The following CES5A variants were observed in gnomAD, a reference collection of about 807,000 sequenced individuals.
CES5A encodes the protein carboxylesterase 5.
A neutral mutation model predicts 62.9 loss-of-function variants in CES5A; 67 were observed. The observed-to-expected ratio is 1.07, with a 90% confidence interval of 0.88 to 1.31. The LOEUF (loss-of-function observed/expected upper bound fraction) is 1.31. Ranked by LOEUF, CES5A falls within the 50% of genes most tolerant of loss-of-function variation. CES5A has a pLI of 0.00. For missense variants in CES5A, 748 were observed against 708.5 expected (o/e 1.06, Z -0.63); for synonymous variants, 296 against 280.8 (o/e 1.05, Z -0.54).
At position 55,846,574 on chromosome 16, in the gene CES5A, C is replaced by G; in HGVS notation, c.1605G>C (p.Arg535=). 2 of 1,614,110 alleles carry G rather than the reference C, an allele frequency of 1.2e-6. No individual in the cohort carries two copies. Among genetic ancestry groups the G allele is most frequent in the Non-Finnish European group, 1.7e-6 (2 of 1,180,014 alleles). Residue 535 remains arginine (R), a synonymous_variant, in exon 13 of 13, where the codon CGG becomes CGC. Coordinates refer to ENST00000290567, the MANE Select transcript of CES5A (RefSeq NM_001143685.2). ...GGATGGTGCTGGTCCAAAAATCCAC[C>G]CGCGGTTCTTTGAGTCTCTGTCCGA... ...MSLGQRLKEP[R]VDFWTSTIPL... is the part of the protein sequence containing the mutation.
At position 55,846,379 on chromosome 16, in the gene CES5A, A is replaced by G. The variant is rs142260715; in HGVS notation, c.*72T>C. The stretch of plus-strand genomic sequence containing the variant: ...ATCCCCATAGAAAGCAGCTGAGCTC[A>G]GAAAGAAGCTAATGATTGCGGGAGA... On this transcript the variant is annotated 3_prime_UTR_variant, in exon 13 of 13. Transcript: ENST00000290567. The G allele has an allele frequency of 2.4e-5, 29 of 1,199,802 alleles. No homozygotes were observed. In the South Asian group the frequency reaches 3.7e-4, roughly 15 times the overall value. 74.3% of individuals were successfully genotyped at this position (1,199,802 alleles called of 1,614,324 possible). A position where few individuals can be genotyped will look rare whatever the true frequency, so the allele number is the denominator to read the frequency against.
In CES5A at chr16:55,852,778, A is replaced by G. The variant is rs538000100; in HGVS notation, c.1273+103T>C. On this transcript the variant is annotated intron_variant, in intron 10 of 12. Coordinates refer to ENST00000290567, the MANE Select transcript of CES5A (RefSeq NM_001143685.2). The stretch of plus-strand genomic sequence containing the variant: ...CACCTGGAAATGCACTTTCCATGAT[A>G]GAACAGAGGCAGAGAAGGCAGCCGC... 2.0e-3 allele frequency: 2,634 copies of G among 1,319,240 alleles called. 41 individuals carry two copies. In the South Asian group the frequency reaches 0.025, roughly 12 times the overall value. 81.7% of individuals were successfully genotyped at this position (1,319,240 alleles called of 1,614,324 possible). A position where few individuals can be genotyped will look rare whatever the true frequency, so the allele number is the denominator to read the frequency against.
chr16:55,938,797 T>TATATAC (rs1440495150), intron 2 of CES5A, among the ~76,000 whole-genome samples: 7 of 51,072 alleles, frequency 1.4e-4, no homozygotes, highest in African/African-American at 5.2e-4. Flanking sequence ...TATATATATA[T>TATATAC]ACACACATAT....
At chr16:55,855,602 G>A (rs1355814896) in intron 9 of CES5A, among the ~76,000 whole-genome samples, 1 of 152,184 alleles carries the variant, frequency 6.6e-6, no homozygotes, top group Non-Finnish European at 1.5e-5. Flanking sequence ...CACAGGCTCA[G>A]GGTGGGGGAA....
intron 2 of CES5A, chr16:55,944,583 C>T (rs2034475437): frequency 6.5e-6 from 1 of 153,986 alleles, no homozygotes; most frequent in South Asian, 2.0e-4. Flanking sequence ...CACTTCTGAT[C>T]CAAGCAGCCA....
chr16:55,855,757 G>T (rs1244999772), intron 9 of CES5A, among the ~76,000 whole-genome samples: 2 of 152,178 alleles, frequency 1.3e-5, no homozygotes, highest in Non-Finnish European at 2.9e-5. Flanking sequence ...GTTACAAAAA[G>T]CCTCTGGGTT....
At chr16:55,912,768 C>T (rs2034108199) in intron 1 of CES5A, among the ~76,000 whole-genome samples, 1 of 152,194 alleles carries the variant, frequency 6.6e-6, no homozygotes, top group Non-Finnish European at 1.5e-5. Flanking sequence ...CACAGACTCA[C>T]AGACGCCTAG....
At chr16:55,943,475 G>A (rs1250923338) in intron 2 of CES5A, among the ~76,000 whole-genome samples, 3 of 152,172 alleles carry the variant, frequency 2.0e-5, no homozygotes, top group African/African-American at 7.2e-5. Flanking sequence ...TGGCATTACA[G>A]AGATCCCCAG....
intron 1 of CES5A, among the ~76,000 whole-genome samples, chr16:55,893,018 G>A (rs9888848): frequency 0.22 from 34,181 of 152,024 alleles, 4,843 homozygotes; most frequent in Non-Finnish European, 0.31. Flanking sequence ...GTCGAAATCC[G>A]GAAAAATGCC....
Position 55,949,816 on chromosome 16 carries a change from AATCCTCAATAC to A in CES5A, c.118_128del (p.Val40Ter). The A allele has an allele frequency of 6.6e-7, 1 of 1,512,646 alleles. No individual in the cohort carries two copies. Among genetic ancestry groups the A allele is most frequent in the Non-Finnish European group, 8.8e-7 (1 of 1,133,394 alleles). The allele number at this position is 1,512,646 out of a possible 1,614,324, so 93.7% of individuals were successfully genotyped here. A position where few individuals can be genotyped will look rare whatever the true frequency, so the allele number is the denominator to read the frequency against. Reference sequence around the variant, plus strand: ...CTTTGGAAGTGTAGTTTAAGACATCAATCCTCAATACATACAAAGTTGAGGAGGCTGGATAA... The same window carrying A: ...CTTTGGAAGTGTAGTTTAAGACATCAATACAAAGTTGAGGAGGCTGGATAA... On this transcript the variant is annotated frameshift_variant, in exon 2 of 14. Coordinates refer to the CES5A transcript ENST00000521992. LOFTEE classifies it high-confidence loss of function.
chr16:55,947,955 A>G (rs1258108068), intron 2 of CES5A, among the ~76,000 whole-genome samples: 2 of 152,134 alleles, frequency 1.3e-5, no homozygotes, highest in Non-Finnish European at 2.9e-5. Context: ...AGACACACGA[A>G]TGGACTTTGG....
intron 1 of CES5A, among the ~76,000 whole-genome samples, chr16:55,891,318 A>G (rs1173562464): frequency 1.4e-4 from 22 of 152,214 alleles, no homozygotes; most frequent in Admixed American, 3.9e-4. Context: ...CTATAGAAAT[A>G]AATTGCCTTG....
chr16:55,953,548 A>T (rs1303704551), intron 1 of CES5A, among the ~76,000 whole-genome samples: 1 of 151,908 alleles, frequency 6.6e-6, no homozygotes, highest in Non-Finnish European at 1.5e-5. Flanking sequence ...CTATTCACAA[A>T]AGGAAAAAAA....
chr16:55,954,421 G>C (rs137895642), intron 1 of CES5A, among the ~76,000 whole-genome samples: 18 of 152,360 alleles, frequency 1.2e-4, no homozygotes, highest in African/African-American at 3.6e-4. Context: ...GGTCCTGACC[G>C]AGGTGAAGCT....
chr16:55,936,524 G>A (rs1020263122), intron 2 of CES5A, among the ~76,000 whole-genome samples: 10 of 152,170 alleles, frequency 6.6e-5, no homozygotes, highest in Admixed American at 1.3e-4. Context: ...AGCATACACC[G>A]GGTTTCTCCA....
chr16:55,904,866 T>G (rs1253672677), intron 1 of CES5A, among the ~76,000 whole-genome samples: 1 of 151,922 alleles, frequency 6.6e-6, no homozygotes, highest in East Asian at 1.9e-4. Context: ...AATCCATACC[T>G]CCCCCTACAT....
chr16:55,871,391 G>GAAAAC (rs1412746964), intron 3 of CES5A, among the ~76,000 whole-genome samples: 1 of 152,108 alleles, frequency 6.6e-6, no homozygotes, highest in African/African-American at 2.4e-5. Flanking sequence ...CAACAGAGGG[G>GAAAAC]AAAACAAAAC....
intron 1 of CES5A, among the ~76,000 whole-genome samples, chr16:55,913,567 G>A (rs1217051361): frequency 1.3e-5 from 2 of 152,194 alleles, no homozygotes; most frequent in African/African-American, 4.8e-5. Context: ...ACCATGAACT[G>A]AATCCCTTCC....
At chr16:55,872,504 ACT>A (rs1265862236) in intron 2 of CES5A, among the ~76,000 whole-genome samples, 14 of 152,104 alleles carry the variant, frequency 9.2e-5, no homozygotes, top group African/African-American at 3.4e-4. Context: ...AAAGCCTAAG[ACT>A]CTGTTTTAGT....
Sources: gnomAD v4.1 joint callset for allele counts (sites outside exome capture counted in the v4.1 genomes callset) on GRCh38, gnomAD v4.1.1 for gene constraint, MANE v1.5 for transcripts, NCBI Gene and HGNC (gene_info 2026-07-23, HGNC 2026-07-21) for gene names.